The following IQGAP2 variants were observed in gnomAD, a reference collection of about 807,000 sequenced individuals.
IQGAP2 encodes ras GTPase-activating-like protein IQGAP2.
Under a neutral mutation model 201.3 loss-of-function variants are expected in IQGAP2, and 173 were observed. That is an observed-to-expected ratio of 0.86 (90% CI 0.76 to 0.98). The LOEUF is 0.98. Among genes scored for constraint, IQGAP2 ranks in the 50% least tolerant of loss-of-function variants. The pLI is 0.00. For synonymous variants in IQGAP2, 675 were observed against 673.9 expected, an observed-to-expected ratio of 1.00 and a Z score of -0.03; for missense variants, 1,687 against 1,864.8, an observed-to-expected ratio of 0.90 and a Z score of 1.76.
chr5:76,683,163 C>T lies in IQGAP2; in HGVS notation c.3709C>T (p.Leu1237=). 6.2e-7 allele frequency: 1 copy of T among 1,612,668 alleles called. No homozygotes were observed. ...DAIAPEKNDL[L]SELLGSLGEV... Reference sequence around the variant, plus strand: ...AATTGCCCCTGAGAAAAATGACTTACTGAGTGAATTGCTGGGGTCGCTGGG... The same window carrying T: ...AATTGCCCCTGAGAAAAATGACTTATTGAGTGAATTGCTGGGGTCGCTGGG... Residue 1237 remains leucine, a synonymous_variant, in exon 29 of 36, where the codon CTG becomes TTG. Transcript: ENST00000274364.
chr5:76,661,184 G>A (rs1174065336), intron 21 of IQGAP2, among the ~76,000 whole-genome samples: 1 of 151,912 alleles, frequency 6.6e-6, no homozygotes, highest in East Asian at 1.9e-4. Context: ...TGTTCTTATA[G>A]AACAATGCTA....
In IQGAP2 at chr5:76,631,969, T is replaced by C. The variant is rs1750745168; in HGVS notation, c.1723T>C (p.Cys575Arg). Residue 575 changes from cysteine (C) to arginine (R), a missense_variant, in exon 15 of 36, where the codon TGT becomes CGT. Physicochemically the swap from Cys to Arg is radical, Grantham distance 180. Coordinates refer to ENST00000274364, the MANE Select transcript of IQGAP2 (RefSeq NM_006633.5). ...TSNANDIIPECADKYYDALVK... is the reference protein window; with the variant it reads ...TSNANDIIPERADKYYDALVK... ...TAATGCAAATGACATAATCCCGGAG[T>C]GTGCTGACAAATACTATGATGCCCT... 1 of 1,612,458 alleles carries C rather than the reference T, an allele frequency of 6.2e-7. No individual in the cohort carries two copies. Among genetic ancestry groups the C allele is most frequent in the Non-Finnish European group, 8.5e-7 (1 of 1,179,140 alleles).
chr5:76,427,976 A>G (rs1464286895), intron 1 of IQGAP2, among the ~76,000 whole-genome samples: 1 of 152,220 alleles, frequency 6.6e-6, no homozygotes, highest in African/African-American at 2.4e-5. Flanking sequence ...CAATGCCTGC[A>G]GTTCCTTACC....
chr5:76,451,801 A>G (rs1378094939), intron 1 of IQGAP2, among the ~76,000 whole-genome samples: 2 of 152,214 alleles, frequency 1.3e-5, no homozygotes, highest in African/African-American at 4.8e-5. Context: ...TTGGGAGGCC[A>G]AGGCAGGCAG....
At chr5:76,694,182 C>G (rs1746518931) in intron 31 of IQGAP2, among the ~76,000 whole-genome samples, 1 of 152,056 alleles carries the variant, frequency 6.6e-6, no homozygotes, top group Non-Finnish European at 1.5e-5. Context: ...TCTGTAATCC[C>G]AATACTTTGG....
intron 2 of IQGAP2, among the ~76,000 whole-genome samples, chr5:76,521,699 C>T (rs1758693498): frequency 6.6e-6 from 1 of 152,194 alleles, no homozygotes; most frequent in Admixed American, 6.5e-5. Context: ...ACACACGTCA[C>T]TGTAGCATTT....
At chr5:76,426,010 G>C (rs1330754281) in intron 1 of IQGAP2, among the ~76,000 whole-genome samples, 1 of 152,150 alleles carries the variant, frequency 6.6e-6, no homozygotes, top group East Asian at 1.9e-4. Flanking sequence ...CCTCAGTCTT[G>C]ATGCTCTCAA....
chr5:76,672,976 A>G, intron 24 of IQGAP2, among the ~76,000 whole-genome samples: 1 of 152,006 alleles, frequency 6.6e-6, no homozygotes, highest in East Asian at 1.9e-4. Context: ...TAATGGGTGC[A>G]GTACACCAGC....
At chr5:76,675,781 G>A (rs1273970654) in intron 27 of IQGAP2, among the ~76,000 whole-genome samples, 1 of 152,120 alleles carries the variant, frequency 6.6e-6, no homozygotes, top group African/African-American at 2.4e-5. Flanking sequence ...TTTAGAATTT[G>A]TGGTCTTTTG....
At chr5:76,621,975 T>G (rs1019472894) in intron 13 of IQGAP2, among the ~76,000 whole-genome samples, 5 of 152,152 alleles carry the variant, frequency 3.3e-5, no homozygotes, top group Non-Finnish European at 7.4e-5. Flanking sequence ...TAAAGCCCCT[T>G]CCTCATCCCT....
chr5:76,423,762 A>G (rs1406317389), intron 1 of IQGAP2, among the ~76,000 whole-genome samples: 1 of 152,230 alleles, frequency 6.6e-6, no homozygotes, highest in African/African-American at 2.4e-5. Flanking sequence ...ACATGAAGCC[A>G]TGGTGGGCAC....
chr5:76,443,854 GT>G (rs1177981031), intron 1 of IQGAP2, among the ~76,000 whole-genome samples: 9 of 152,140 alleles, frequency 5.9e-5, no homozygotes, highest in Non-Finnish European at 1.2e-4. Context: ...CTTATATAAA[GT>G]TTTAGTTATT....
rs1755146973 is a variant in IQGAP2, at chr5:76,472,120, T to C, written c.146+10451T>C. 2.0e-5 allele frequency among the ~76,000 whole-genome samples: 3 copies of C among 152,104 alleles called. No individual in the cohort carries two copies. In the South Asian group the frequency reaches 6.2e-4, roughly 32 times the overall value. On this transcript the variant is annotated intron_variant, in intron 2 of 35. Coordinates refer to ENST00000274364, the MANE Select transcript of IQGAP2 (RefSeq NM_006633.5). ...CCCCCTCGCAAGTCTGGCACCTGGT[T>C]GAGGGGAAGGCCTGCTTGGGGCTGC... is the stretch of plus-strand genomic sequence containing the variant.
At chr5:76,541,673 A>T (rs1742787820) in intron 2 of IQGAP2, among the ~76,000 whole-genome samples, 1 of 152,192 alleles carries the variant, frequency 6.6e-6, no homozygotes, top group African/African-American at 2.4e-5. Flanking sequence ...ACTTCTCATC[A>T]TCCTCACCAT....
chr5:76,661,925 G>A (rs180865194), intron 21 of IQGAP2, among the ~76,000 whole-genome samples: 2,398 of 152,296 alleles, frequency 0.016, 28 homozygotes, highest in Non-Finnish European at 0.022. Context: ...GGTGGCAAAA[G>A]GGCAATACTG....
chr5:76,437,737 T>A (rs1329138884), intron 1 of IQGAP2, among the ~76,000 whole-genome samples: 2 of 152,224 alleles, frequency 1.3e-5, no homozygotes, highest in East Asian at 3.9e-4. Flanking sequence ...TAGTATTCCA[T>A]GGTGTATATT....
At chr5:76,631,556 G>A (rs1386138176) in intron 14 of IQGAP2, among the ~76,000 whole-genome samples, 5 of 152,062 alleles carry the variant, frequency 3.3e-5, no homozygotes, top group African/African-American at 1.2e-4. Flanking sequence ...ATCTATGTTC[G>A]TGTGTATTCA....
intron 2 of IQGAP2, among the ~76,000 whole-genome samples, chr5:76,498,610 C>T (rs545104638): frequency 1.3e-5 from 2 of 152,212 alleles, no homozygotes; most frequent in Non-Finnish European, 2.9e-5. Context: ...GGGAGACTCC[C>T]TTCTCTTAGG....
At chr5:76,669,494 C>T (rs558910231) in intron 23 of IQGAP2, among the ~76,000 whole-genome samples, 14 of 152,042 alleles carry the variant, frequency 9.2e-5, no homozygotes, top group Admixed American at 3.9e-4. Flanking sequence ...AAATGAAGGA[C>T]GCGTCTAAAT....
Sources: gnomAD v4.1 joint callset for allele counts (sites outside exome capture counted in the v4.1 genomes callset) on GRCh38, gnomAD v4.1.1 for gene constraint, MANE v1.5 for transcripts, NCBI Gene and HGNC (gene_info 2026-07-23, HGNC 2026-07-21) for gene names.